The following DLGAP1 variants were observed in gnomAD, a reference collection of about 807,000 sequenced individuals.
The protein encoded by DLGAP1 is DLG associated protein 1, also known as disks large-associated protein 1.
Under a neutral mutation model 90.8 loss-of-function variants are expected in DLGAP1, and 11 were observed. The observed-to-expected ratio is 0.12, with a 90% CI of 0.08 to 0.20. DLGAP1 has a LOEUF of 0.20. Ranked by LOEUF, DLGAP1 falls within the 10% of genes least tolerant of loss-of-function variation. The pLI is 1.00. For missense variants in DLGAP1, 1,050 were observed against 1,333.8 expected, an observed-to-expected ratio of 0.79 and a Z score of 3.31; for synonymous variants, 558 against 540.7, an observed-to-expected ratio of 1.03 and a Z score of -0.44.
chr18:4,432,940 C>A (rs1219332575), intron 1 of DLGAP1, among the ~76,000 whole-genome samples: 1 of 152,104 alleles, frequency 6.6e-6, no homozygotes, highest in East Asian at 1.9e-4. Context: ...AAAAAAAACA[C>A]TAAGTTATTT....
intron 7 of DLGAP1, among the ~76,000 whole-genome samples, chr18:3,586,615 T>A (rs537913853): frequency 4.4e-4 from 67 of 152,302 alleles, no homozygotes; most frequent in African/African-American, 1.6e-3. Context: ...CATGCCACCA[T>A]GCCCGGCTTA....
intron 7 of DLGAP1, chr18:3,655,961 T>C (rs1316199773): frequency 5.7e-6 from 5 of 877,930 alleles, no homozygotes; most frequent in African/African-American, 3.4e-5. Flanking sequence ...ACAGATGCAA[T>C]GGCAATAGCT....
intron 7 of DLGAP1, among the ~76,000 whole-genome samples, chr18:3,600,773 TAG>T (rs1396691536): frequency 1.7e-5 from 1 of 57,408 alleles, no homozygotes; most frequent in African/African-American, 6.4e-5. Context: ...TAGATATATA[TAG>T]ATATATAGAT....
At chr18:4,177,882 G>A (rs1424173184) in intron 1 of DLGAP1, among the ~76,000 whole-genome samples, 2 of 151,990 alleles carry the variant, frequency 1.3e-5, no homozygotes, top group Non-Finnish European at 2.9e-5. Context: ...TGAGCATTTA[G>A]GTTGATTCCA....
intron 5 of DLGAP1, among the ~76,000 whole-genome samples, chr18:3,772,941 G>C (rs936079403): frequency 2.0e-5 from 3 of 152,092 alleles, no homozygotes; most frequent in African/African-American, 7.2e-5. Flanking sequence ...GGTATTGAAC[G>C]GAGCCCCTGG....
In DLGAP1 at chr18:3,967,549, C is replaced by T. The variant is rs375019911; in HGVS notation, c.-73+37567G>A. On this transcript the variant is annotated intron_variant, in intron 3 of 12. Coordinates refer to ENST00000315677, the MANE Select transcript of DLGAP1 (RefSeq NM_004746.4). ...AACAATCCCTGCAGGTGACTGATGC[C>T]GGCTGAAATTTGAGAACCACTGGTA... 2.2e-4 allele frequency among the ~76,000 whole-genome samples: 34 copies of T among 152,124 alleles called. No individual in the cohort carries two copies. The South Asian group carries it at 3.3e-3, about 15-fold the overall frequency.
At chr18:4,154,501 G>A (rs184138334) in intron 1 of DLGAP1, among the ~76,000 whole-genome samples, 4 of 152,130 alleles carry the variant, frequency 2.6e-5, no homozygotes, top group East Asian at 1.9e-4. Flanking sequence ...CTTTAGTTAC[G>A]GTATTCCAAG....
Position 4,196,523 on chromosome 18 carries a change from G to A in DLGAP1, c.-266-45236C>T, listed in dbSNP as rs28386869. Among the ~76,000 whole-genome samples, 990 of 152,302 alleles carry A rather than the reference G, an allele frequency of 6.5e-3. 10 individuals are homozygous for A. Among genetic ancestry groups the A allele is most frequent in the African/African-American group, 0.021 (892 of 41,576 alleles). ...TTTTGGCAGTGTGAATGCGACAGACGTCCACTTCCAACACGCTTACTGATT... is the reference window on the plus strand; with the variant it reads ...TTTTGGCAGTGTGAATGCGACAGACATCCACTTCCAACACGCTTACTGATT... On this transcript the variant is annotated intron_variant, in intron 1 of 12. Transcript: ENST00000315677.
chr18:4,217,713 T>C (rs1280164477), intron 1 of DLGAP1, among the ~76,000 whole-genome samples: 1 of 152,114 alleles, frequency 6.6e-6, no homozygotes, highest in Non-Finnish European at 1.5e-5. Context: ...TTAGTTGTTT[T>C]CTTATTGTTG....
intron 5 of DLGAP1, among the ~76,000 whole-genome samples, chr18:3,806,695 C>A (rs1181434495): frequency 6.6e-6 from 1 of 152,190 alleles, no homozygotes; most frequent in African/African-American, 2.4e-5. Context: ...AATTTTGAGG[C>A]TCTCTGCAAA....
chr18:3,979,554 T>C (rs770399090), intron 3 of DLGAP1, among the ~76,000 whole-genome samples: 2 of 152,174 alleles, frequency 1.3e-5, no homozygotes, highest in Non-Finnish European at 2.9e-5. Flanking sequence ...GAGGTGAGGC[T>C]AGAGAGGAGA....
chr18:4,080,433 C>A (rs1017206272), intron 2 of DLGAP1, among the ~76,000 whole-genome samples: 1 of 152,250 alleles, frequency 6.6e-6, no homozygotes, highest in African/African-American at 2.4e-5. Flanking sequence ...AAATATAGTT[C>A]TTTGACATAT....
intron 7 of DLGAP1, among the ~76,000 whole-genome samples, chr18:3,646,028 G>A (rs992755700): frequency 2.0e-5 from 3 of 152,084 alleles, no homozygotes; most frequent in South Asian, 2.1e-4. Context: ...ATCATTTGAC[G>A]GTGGTAGTTT....
Position 4,189,774 on chromosome 18 carries a change from T to G in DLGAP1, c.-266-38487A>C, listed in dbSNP as rs539699019. Among the ~76,000 whole-genome samples, 279 of 152,076 alleles carry G rather than the reference T, an allele frequency of 1.8e-3. 1 individual carries two copies. The highest frequency in any genetic ancestry group is 5.7e-3 in the African/African-American group (235 of 41,480). On this transcript the variant is annotated intron_variant, in intron 1 of 12. Transcript: ENST00000315677. Reference sequence around the variant, plus strand: ...CATGAATGAATACACAATACATCAATAGAACAGAATAGAGAGCCCAGAAAC... The same window carrying G: ...CATGAATGAATACACAATACATCAAGAGAACAGAATAGAGAGCCCAGAAAC...
intron 1 of DLGAP1, among the ~76,000 whole-genome samples, chr18:4,268,285 ACTG>A (rs1333544431): frequency 3.3e-5 from 5 of 152,212 alleles, no homozygotes; most frequent in African/African-American, 9.6e-5. Flanking sequence ...TTTCAAATTG[ACTG>A]CTATTTTTGG....
chr18:3,800,573 A>G (rs1305211776), intron 5 of DLGAP1, among the ~76,000 whole-genome samples: 1 of 152,242 alleles, frequency 6.6e-6, no homozygotes, highest in East Asian at 1.9e-4. Context: ...ATGGGTATAT[A>G]TAATATATGC....
At chr18:3,901,461 T>A (rs1274779569) in intron 3 of DLGAP1, among the ~76,000 whole-genome samples, 1 of 152,034 alleles carries the variant, frequency 6.6e-6, no homozygotes, top group Non-Finnish European at 1.5e-5. Context: ...AGCTTTATAA[T>A]CTCCCAATAC....
chr18:4,032,579 A>T (rs979930333), intron 2 of DLGAP1, among the ~76,000 whole-genome samples: 1 of 149,888 alleles, frequency 6.7e-6, no homozygotes, highest in African/African-American at 2.5e-5. Context: ...CCAAAGACAG[A>T]AACAGCTAAA....
Position 4,084,794 on chromosome 18 carries a change from C to A in DLGAP1, c.-159+66386G>T, listed in dbSNP as rs1176998778. ...AACACTTATTAAATATATTAGCATGCTTTTCTCCTATCAATCTGTCTTTGT... is the reference window on the plus strand; with the variant it reads ...AACACTTATTAAATATATTAGCATGATTTTCTCCTATCAATCTGTCTTTGT... On this transcript the variant is annotated intron_variant, in intron 2 of 12. Coordinates refer to ENST00000315677, the MANE Select transcript of DLGAP1 (RefSeq NM_004746.4). This position sits in a 1 kb window ranked among gnomAD's most constrained non-coding sequence, Gnocchi z 4.0. Among the ~76,000 whole-genome samples, 2 of 152,218 alleles carry A rather than the reference C, an allele frequency of 1.3e-5. No individual in the cohort carries two copies. The highest frequency in any genetic ancestry group is 4.8e-5 in the African/African-American group (2 of 41,456).
Sources: gnomAD v4.1 joint callset for allele counts (sites outside exome capture counted in the v4.1 genomes callset) on GRCh38, gnomAD v4.1.1 for gene constraint, Gnocchi (gnomAD v3.1) non-coding constraint, MANE v1.5 for transcripts, NCBI Gene and HGNC (gene_info 2026-07-23, HGNC 2026-07-21) for gene names.